RITA1: variants seen among roughly 807,000 people sequenced by gnomAD.
RITA1 encodes RBPJ-interacting and tubulin-associated protein 1.
RITA1 carries 15 observed loss-of-function variants against 8.7 expected under a neutral mutation model. The ratio of observed to expected loss-of-function variants is 1.72; its 90% confidence interval spans 1.15 to 2.65. RITA1 has a LOEUF of 2.65. Ranked by LOEUF, RITA1 falls within the 30% of genes most tolerant of loss-of-function variation. RITA1 has a pLI of 0.00. For missense variants in RITA1, 330 were observed against 363.8 expected (o/e 0.91, Z 0.76); for synonymous variants, 145 against 156.2 (o/e 0.93, Z 0.53).
intron 3 of RITA1, among the ~76,000 whole-genome samples, chr12:113,189,070 A>G (rs1952571653): frequency 6.6e-6 from 1 of 151,730 alleles, no homozygotes; most frequent in African/African-American, 2.4e-5. Flanking sequence ...TCTGCTTTCC[A>G]AAGTGCTGGA....
chr12:113,189,732 T>TAAAAAAAAA (rs34117781), intron 3 of RITA1, among the ~76,000 whole-genome samples: 1 of 76,910 alleles, frequency 1.3e-5, no homozygotes, highest in Admixed American at 1.5e-4. Context: ...ATCTGTTGAA[T>TAAAAAAAAA]AAAAAAAAAA....
In RITA1 at chr12:113,191,584, C is replaced by A; in HGVS notation, c.577C>A (p.Pro193Thr). 1 of 1,614,106 alleles carries A rather than the reference C, an allele frequency of 6.2e-7. No individual in the cohort carries two copies. Among genetic ancestry groups the A allele is most frequent in the South Asian group, 1.1e-5 (1 of 91,092 alleles). ...TATGGGTGGGTTACACTCTTCACGC[C>A]CCCTGAAGCGGGGACTTTCCCATTC... is the stretch of plus-strand genomic sequence containing the variant. ...LSMGGLHSSRPLKRGLSHSLT... is the reference protein window; with the variant it reads ...LSMGGLHSSRTLKRGLSHSLT... The change falls in exon 4 of 4, where the codon CCC becomes ACC. Residue 193 changes from proline (P) to threonine (T), a missense_variant. Pro to Thr is a conservative substitution (Grantham distance 38). Coordinates refer to ENST00000548278, the MANE Select transcript of RITA1 (RefSeq NM_032848.3). This position sits in a 1 kb window ranked among gnomAD's most constrained non-coding sequence, Gnocchi z 4.0.
At chr12:113,186,337 G>T in intron 2 of RITA1, 21 bp downstream of exon 2, 1 of 1,378,444 alleles carries the variant, frequency 7.3e-7, no homozygotes, top group South Asian at 1.7e-5. Flanking sequence ...GATCCACGCT[G>T]GCTGTCATTG....
At chr12:113,189,403 A>C (rs1456908415) in intron 3 of RITA1, among the ~76,000 whole-genome samples, 1 of 152,152 alleles carries the variant, frequency 6.6e-6, no homozygotes, top group African/African-American at 2.4e-5. Flanking sequence ...GAAAACACTG[A>C]GGTAAAGATA....
chr12:113,188,156 C>T (rs1428911621), intron 3 of RITA1, among the ~76,000 whole-genome samples: 4 of 151,824 alleles, frequency 2.6e-5, no homozygotes, highest in Non-Finnish European at 4.4e-5. Context: ...TCAAGCGACT[C>T]TCCTGCCTCA....
Position 113,185,805 on chromosome 12 carries a change from G to T in RITA1, c.-413G>T. 1 of 648,778 alleles carries T rather than the reference G, an allele frequency of 1.5e-6. No homozygotes were observed. The highest frequency in any genetic ancestry group is 2.6e-6 in the Non-Finnish European group (1 of 382,704). 40.2% of individuals were successfully genotyped at this position (648,778 alleles called of 1,614,324 possible). A position where few individuals can be genotyped will look rare whatever the true frequency, so the allele number is the denominator to read the frequency against. On this transcript the variant is annotated 5_prime_UTR_variant, in exon 1 of 4. Transcript: ENST00000548278. ...TTCGCGGGCCGTTCACACGTAGCCTGTGCCGGCTCCTCGGGTGAGTCCGTC... is the reference window on the plus strand; with the variant it reads ...TTCGCGGGCCGTTCACACGTAGCCTTTGCCGGCTCCTCGGGTGAGTCCGTC...
chr12:113,192,089 G>A lies in RITA1; in HGVS notation c.*272G>A, dbSNP rs1265132960. 2 of 421,054 alleles carry A rather than the reference G, an allele frequency of 4.7e-6. No homozygotes were observed. The highest frequency in any genetic ancestry group is 8.4e-6 in the Non-Finnish European group (2 of 237,160). 26.1% of individuals were successfully genotyped at this position (421,054 alleles called of 1,614,324 possible). A position where few individuals can be genotyped will look rare whatever the true frequency, so the allele number is the denominator to read the frequency against. On this transcript the variant is annotated 3_prime_UTR_variant, in exon 4 of 4. Transcript: ENST00000548278. ...ATACTCCAAATTAGTGCCAACCCAG[G>A]GGCCTGGCACCTCCCACATCATCCA...
rs1593014272 is a variant in RITA1 at position 113,186,229 on chromosome 12, G to A, written c.-152G>A. The stretch of plus-strand genomic sequence containing the variant: ...ACATGTGACTTCACCTCAGTTTTGT[G>A]ATCCGTAAAATGGACAAATTCGAAG... On this transcript the variant is annotated 5_prime_UTR_variant, in exon 2 of 4. The change abolishes the stop of an existing upstream ORF in the 5' untranslated region. Coordinates refer to ENST00000548278, the MANE Select transcript of RITA1 (RefSeq NM_032848.3). 2 of 1,382,298 alleles carry A rather than the reference G, an allele frequency of 1.4e-6. No individual in the cohort carries two copies. Among genetic ancestry groups the A allele is most frequent in the East Asian group, 5.1e-5 (2 of 38,868 alleles). The allele number at this position is 1,382,298 out of a possible 1,614,324, so 85.6% of individuals were successfully genotyped here.
At position 113,186,263 on chromosome 12, in the gene RITA1, C is replaced by T; in HGVS notation, c.-118C>T. ...AATGGACAAATTCGAAGCTACTTCA[C>T]AGTGCTGTTGAGAGGATTAAATGAA... On this transcript the variant is annotated 5_prime_UTR_variant, in exon 2 of 4. It introduces an in-frame stop codon into an upstream open reading frame of the 5' UTR. Transcript: ENST00000548278. 7.1e-7 allele frequency: 1 copy of T among 1,409,492 alleles called. No individual in the cohort carries two copies. The highest frequency in any genetic ancestry group is 2.6e-5 in the East Asian group (1 of 38,332). 87.3% of individuals were successfully genotyped at this position (1,409,492 alleles called of 1,614,324 possible). A position where few individuals can be genotyped will look rare whatever the true frequency, so the allele number is the denominator to read the frequency against.
intron 3 of RITA1, among the ~76,000 whole-genome samples, chr12:113,189,816 G>T (rs1313320504): frequency 6.8e-6 from 1 of 147,270 alleles, no homozygotes; most frequent in Admixed American, 6.8e-5. Flanking sequence ...TGGGAGGATC[G>T]CTTGAGCTCC....
At position 113,191,810 on chromosome 12, in the gene RITA1, G is replaced by A; in HGVS notation, c.803G>A (p.Trp268Ter). Reference sequence around the variant, plus strand: ...GCCACCCAGAAACCAAAGCCCCCTTGGAAATGATACTCTTTCATCAGGGTT... The same window carrying A: ...GCCACCCAGAAACCAAAGCCCCCTTAGAAATGATACTCTTTCATCAGGGTT... ...GGATQKPKPP[W>*]K Residue 268 changes from tryptophan (W) to a stop codon, truncating the protein, a stop_gained, in exon 4 of 4, where the codon TGG becomes TAG. Coordinates refer to ENST00000548278, the MANE Select transcript of RITA1 (RefSeq NM_032848.3). LOFTEE classifies it high-confidence loss of function. The surrounding 1 kb of genome is among the most constrained non-coding windows in gnomAD (Gnocchi z 4.0). 6.2e-7 allele frequency: 1 copy of A among 1,600,112 alleles called. No individual in the cohort carries two copies. The highest frequency in any genetic ancestry group is 8.5e-7 in the Non-Finnish European group (1 of 1,171,858).
rs1329233325 is a variant in RITA1 at position 113,191,348 on chromosome 12, T to C, written c.341T>C (p.Leu114Pro). Residue 114 changes from leucine to proline, a missense_variant, in exon 4 of 4, where the codon CTG becomes CCG. Coordinates refer to ENST00000548278, the MANE Select transcript of RITA1 (RefSeq NM_032848.3). The surrounding 1 kb of genome is among the most constrained non-coding windows in gnomAD (Gnocchi z 4.0). ...ACCCCGTCTTACTGTGATGAGTCGC[T>C]GTTTGGCTCCCGATCTGAAGGCGCC... is the stretch of plus-strand genomic sequence containing the variant. Reference protein sequence around the residue: ...SHTPSYCDESLFGSRSEGASF... With the variant: ...SHTPSYCDESPFGSRSEGASF... The C allele has an allele frequency of 4.5e-6, 7 of 1,569,972 alleles. No individual in the cohort carries two copies. The highest frequency in any genetic ancestry group is 1.4e-5 in the African/African-American group (1 of 73,716).
chr12:113,192,043 C>T lies in RITA1; in HGVS notation c.*226C>T. On this transcript the variant is annotated 3_prime_UTR_variant, in exon 4 of 4. Coordinates refer to ENST00000548278, the MANE Select transcript of RITA1 (RefSeq NM_032848.3). ...TTTGGGGGCCACCTCTAAGATGCCTCTCTCCAGCCCTGTCTCAACCATACT... is the reference window on the plus strand; with the variant it reads ...TTTGGGGGCCACCTCTAAGATGCCTTTCTCCAGCCCTGTCTCAACCATACT... 1 of 574,446 alleles carries T rather than the reference C, an allele frequency of 1.7e-6. No individual in the cohort carries two copies. The highest frequency in any genetic ancestry group is 3.1e-5 in the East Asian group (1 of 32,746). 35.6% of individuals were successfully genotyped at this position (574,446 alleles called of 1,614,324 possible). A position where few individuals can be genotyped will look rare whatever the true frequency, so the allele number is the denominator to read the frequency against.
Sources: gnomAD v4.1 joint callset for allele counts (sites outside exome capture counted in the v4.1 genomes callset) on GRCh38, gnomAD v4.1.1 for gene constraint, Gnocchi (gnomAD v3.1) non-coding constraint, MANE v1.5 for transcripts, NCBI Gene and HGNC (gene_info 2026-07-23, HGNC 2026-07-21) for gene names.